The following RRP1B variants were observed in gnomAD, a reference collection of about 807,000 sequenced individuals.
The protein encoded by RRP1B is ribosomal RNA processing 1B, also known as ribosomal RNA processing protein 1 homolog B.
A neutral mutation model predicts 80.2 loss-of-function variants in RRP1B; 56 were observed. The observed-to-expected ratio is 0.70, with a 90% CI of 0.56 to 0.87. The LOEUF is 0.87. RRP1B is among the 40% of genes least tolerant of loss of function. The pLI is 0.00. For synonymous variants in RRP1B, 351 were observed against 357.6 expected, an observed-to-expected ratio of 0.98 and a Z score of 0.21; for missense variants, 807 against 939.8, an observed-to-expected ratio of 0.86 and a Z score of 1.85.
Position 43,675,124 on chromosome 21 carries a change from T to C in RRP1B, c.510T>C (p.Asp170=), listed in dbSNP as rs771272068. Residue 170 remains aspartate, a synonymous_variant, in exon 6 of 16, where the codon GAT becomes GAC. Transcript: ENST00000340648. ...ATGGAGTGAGATTCCACTTCATTGA[T>C]ATTTACCTGGATGAACTCTCCAAAG... ...SPNGVRFHFI[D]IYLDELSKVG... 6.2e-7 allele frequency: 1 copy of C among 1,614,050 alleles called. No homozygotes were observed. Among genetic ancestry groups the C allele is most frequent in the Non-Finnish European group, 8.5e-7 (1 of 1,179,952 alleles).
At chr21:43,678,548 C>T (rs1039528617) in intron 8 of RRP1B, among the ~76,000 whole-genome samples, 5 of 152,122 alleles carry the variant, frequency 3.3e-5, no homozygotes, top group Admixed American at 6.6e-5. Context: ...TTTGCATTTC[C>T]GTGTGTTTGT....
In RRP1B at chr21:43,688,175, G is replaced by A; in HGVS notation, c.1801G>A (p.Val601Met). ...TTTGAAAAAGAGGAAGAAAATGAGA[G>A]TGATGTCAAACTTGGTGGAGCACAA... ...ASLKKRKKMR[V>M]MSNLVEHNGV... The change falls in exon 13 of 16, where the codon GTG becomes ATG. Residue 601 changes from valine to methionine, a missense_variant. Val to Met is a conservative substitution (Grantham distance 21). Coordinates refer to ENST00000340648, the MANE Select transcript of RRP1B (RefSeq NM_015056.3). 1 of 1,576,476 alleles carries A rather than the reference G, an allele frequency of 6.3e-7. No individual in the cohort carries two copies. The highest frequency in any genetic ancestry group is 1.3e-5 in the African/African-American group (1 of 74,342).
At chr21:43,690,524 G>T in intron 14 of RRP1B, 84 bp downstream of exon 14, 1 of 1,487,080 alleles carries the variant, frequency 6.7e-7, no homozygotes. Context: ...CCCATGCCGG[G>T]CCTGGAGCCC....
At chr21:43,686,096 G>C (rs2083062038) in intron 11 of RRP1B, 1 of 224,784 alleles carries the variant, frequency 4.4e-6, no homozygotes, top group African/African-American at 2.3e-5. Flanking sequence ...ACTCCAGCCT[G>C]GGTGACACAA....
At chr21:43,682,493 T>C (rs1447443221) in intron 8 of RRP1B, among the ~76,000 whole-genome samples, 1 of 152,252 alleles carries the variant, frequency 6.6e-6, no homozygotes, top group East Asian at 1.9e-4. Flanking sequence ...TAATATTGAC[T>C]TGTGCTTCCT....
At position 43,683,373 on chromosome 21, in the gene RRP1B, G is replaced by C. The variant is rs1356292804; in HGVS notation, c.891G>C (p.Gln297His). The C allele has an allele frequency of 1.2e-6, 2 of 1,612,446 alleles. No individual in the cohort carries two copies. The highest frequency in any genetic ancestry group is 4.5e-5 in the East Asian group (2 of 44,886). Residue 297 changes from glutamine to histidine, a missense_variant and splice_region_variant, in exon 9 of 16, where the codon CAG becomes CAC. Coordinates refer to ENST00000340648, the MANE Select transcript of RRP1B (RefSeq NM_015056.3). ...GTFEDTGPLL[Q>H]FDYKAVADRL... is the part of the protein sequence containing the mutation. ...TTGAGGACACAGGGCCCCTTCTCCAGGTGGGTAGCAGTTGTTGCTTTTTAT... is the reference window on the plus strand; with the variant it reads ...TTGAGGACACAGGGCCCCTTCTCCACGTGGGTAGCAGTTGTTGCTTTTTAT...
intron 15 of RRP1B, among the ~76,000 whole-genome samples, chr21:43,692,618 GTAT>G (rs911273804): frequency 4.0e-5 from 6 of 151,148 alleles, no homozygotes; most frequent in East Asian, 1.9e-4. Context: ...AAAAAAAAAA[GTAT>G]TATAACGAAT....
At chr21:43,660,175 C>T (rs778740905) in intron 1 of RRP1B, among the ~76,000 whole-genome samples, 11 of 152,152 alleles carry the variant, frequency 7.2e-5, no homozygotes, top group Non-Finnish European at 1.6e-4. Flanking sequence ...AGAAGACAGA[C>T]AAAATCACTA....
intron 1 of RRP1B, among the ~76,000 whole-genome samples, chr21:43,664,683 A>G (rs1395780842): frequency 6.6e-6 from 1 of 152,110 alleles, no homozygotes; most frequent in East Asian, 1.9e-4. Flanking sequence ...TAATAAAGAC[A>G]CTCCGGAGAC....
intron 1 of RRP1B, among the ~76,000 whole-genome samples, chr21:43,665,876 G>A (rs535416949): frequency 6.6e-5 from 10 of 152,310 alleles, no homozygotes; most frequent in East Asian, 3.9e-4. Context: ...ACCTCTTAGC[G>A]TCAGGTGTTC....
At chr21:43,662,802 A>C (rs1167403701) in intron 1 of RRP1B, among the ~76,000 whole-genome samples, 1 of 152,200 alleles carries the variant, frequency 6.6e-6, no homozygotes, top group Non-Finnish European at 1.5e-5. Context: ...ACTGTGTACT[A>C]TTATGTACGC....
rs1298654295 is a variant in RRP1B, at chr21:43,669,938, T to C, written c.185T>C (p.Met62Thr). The C allele has an allele frequency of 1.9e-6, 3 of 1,613,046 alleles. No individual in the cohort carries two copies. Among genetic ancestry groups the C allele is most frequent in the Non-Finnish European group, 2.5e-6 (3 of 1,179,228 alleles). Residue 62 changes from methionine to threonine, a missense_variant, in exon 2 of 16, where the codon ATG becomes ACG. Transcript: ENST00000340648. ...ATCTGGAAGGGGCTCTTCTACTGCA[T>C]GTGGGTGCAGGATGAACCCCTTCTA... ...LKIWKGLFYC[M>T]WVQDEPLLQE...
At chr21:43,667,804 G>C (rs2082984298) in intron 1 of RRP1B, among the ~76,000 whole-genome samples, 2 of 152,212 alleles carry the variant, frequency 1.3e-5, no homozygotes, top group African/African-American at 4.8e-5. Flanking sequence ...GAGGGCAAGA[G>C]AACCAGTTGG....
intron 11 of RRP1B, 96 bp from the exon 12 acceptor site, chr21:43,686,708 G>A: frequency 7.1e-7 from 1 of 1,415,766 alleles, no homozygotes; most frequent in Admixed American, 2.0e-5. Context: ...GAACGATGAT[G>A]ATGAGGCAGA....
Position 43,691,399 on chromosome 21 carries a change from T to C in RRP1B, c.2020-40T>C. 1 of 1,605,582 alleles carries C rather than the reference T, an allele frequency of 6.2e-7. No individual in the cohort carries two copies. The highest frequency in any genetic ancestry group is 8.5e-7 in the Non-Finnish European group (1 of 1,172,886). ...ATCTGACTAAGCGCCTCCACTGCAC[T>C]TGCGTCACTCCTTTTGTTCCTGTTA... On this transcript the variant is annotated intron_variant, in intron 14 of 15. Coordinates refer to ENST00000340648, the MANE Select transcript of RRP1B (RefSeq NM_015056.3). This position sits in a 1 kb window ranked among gnomAD's most constrained non-coding sequence, Gnocchi z 4.2.
chr21:43,693,166 G>A lies in RRP1B; in HGVS notation c.2084-24G>A. 6.2e-7 allele frequency: 1 copy of A among 1,612,438 alleles called. No homozygotes were observed. ...ACAGCTGTCGGACCCACTTAATATG[G>A]GGCCTTGCTCTCATTTGGGACAGAA... On this transcript the variant is annotated intron_variant, in intron 15 of 15. Coordinates refer to ENST00000340648, the MANE Select transcript of RRP1B (RefSeq NM_015056.3). This position sits in a 1 kb window ranked among gnomAD's most constrained non-coding sequence, Gnocchi z 4.1.
In RRP1B at chr21:43,673,960, G is replaced by T; in HGVS notation, c.357+5G>T. 1 of 1,593,390 alleles carries T rather than the reference G, an allele frequency of 6.3e-7. No homozygotes were observed. Among genetic ancestry groups the T allele is most frequent in the Non-Finnish European group, 8.6e-7 (1 of 1,166,682 alleles). ...CGCCTGGACAAATACTATATGGTAAGATCTGCCGCAGTTACTTCAAAAACT... is the reference window on the plus strand; with the variant it reads ...CGCCTGGACAAATACTATATGGTAATATCTGCCGCAGTTACTTCAAAAACT... On this transcript the variant is annotated splice_donor_5th_base_variant and intron_variant, in intron 4 of 15. Transcript: ENST00000340648.
rs568601183 is a variant in RRP1B at position 43,670,579 on chromosome 21, G to A, written c.213+613G>A. Among the ~76,000 whole-genome samples the A allele has an allele frequency of 2.0e-5, 3 of 152,394 alleles. No homozygotes were observed. The East Asian group carries it at 5.8e-4, about 29-fold the overall frequency. On this transcript the variant is annotated intron_variant, in intron 2 of 15. Coordinates refer to ENST00000340648, the MANE Select transcript of RRP1B (RefSeq NM_015056.3). ...AGTAGATCCGATCTGCCTCTGTAGAGGGAGAGCAGGCTTGTCCAACCCACA... is the reference window on the plus strand; with the variant it reads ...AGTAGATCCGATCTGCCTCTGTAGAAGGAGAGCAGGCTTGTCCAACCCACA...
intron 1 of RRP1B, among the ~76,000 whole-genome samples, chr21:43,664,925 T>A (rs1568953815): frequency 7.7e-6 from 1 of 130,456 alleles, no homozygotes; most frequent in African/African-American, 3.2e-5. Context: ...GTGATTCAGT[T>A]ACCTCCCACT....
Sources: gnomAD v4.1 joint callset for allele counts (sites outside exome capture counted in the v4.1 genomes callset) on GRCh38, gnomAD v4.1.1 for gene constraint, Gnocchi (gnomAD v3.1) non-coding constraint, MANE v1.5 for transcripts, NCBI Gene and HGNC (gene_info 2026-07-23, HGNC 2026-07-21) for gene names.